The following ZSWIM6 variants were observed in gnomAD, a reference collection of about 807,000 sequenced individuals.
ZSWIM6 encodes zinc finger SWIM-type containing 6.
In ZSWIM6, 9 loss-of-function variants were observed where a neutral mutation model predicts 113.2. The ratio of observed to expected loss-of-function variants is 0.08; its 90% confidence interval spans 0.05 to 0.14. The LOEUF is 0.14. Ranked by LOEUF, ZSWIM6 falls within the 10% of genes least tolerant of loss-of-function variation. The pLI is 1.00. For missense variants in ZSWIM6, 1,162 were observed against 1,552.2 expected (o/e 0.75, Z 4.22); for synonymous variants, 611 against 606.5 (o/e 1.01, Z -0.11).
At chr5:61,340,932 A>G (rs1328315168) in intron 1 of ZSWIM6, among the ~76,000 whole-genome samples, 2 of 152,244 alleles carry the variant, frequency 1.3e-5, no homozygotes, top group African/African-American at 2.4e-5. Context: ...AAATCGTAGT[A>G]ATGTTTGAGA....
intron 4 of ZSWIM6, among the ~76,000 whole-genome samples, chr5:61,519,883 A>G (rs190080562): frequency 1.8e-4 from 27 of 152,208 alleles, no homozygotes; most frequent in Admixed American, 7.9e-4. Context: ...CATTAGTTAG[A>G]TTCCCATAAG....
chr5:61,461,923 T>TA (rs548537814), intron 1 of ZSWIM6, among the ~76,000 whole-genome samples: 1 of 152,318 alleles, frequency 6.6e-6, no homozygotes, highest in Non-Finnish European at 1.5e-5. Context: ...TTTTTCATCA[T>TA]TATGTATTTA....
chr5:61,394,142 C>A (rs895155596), intron 1 of ZSWIM6, among the ~76,000 whole-genome samples: 8 of 152,142 alleles, frequency 5.3e-5, no homozygotes, highest in African/African-American at 1.9e-4. Flanking sequence ...GAGACAAAGC[C>A]ATATAAATGG....
chr5:61,410,890 T>A (rs960262760), intron 1 of ZSWIM6, among the ~76,000 whole-genome samples: 3 of 152,252 alleles, frequency 2.0e-5, no homozygotes. Context: ...AATCTCATCG[T>A]GTCTTAGTTT....
At chr5:61,516,187 G>C (rs1041820802) in intron 4 of ZSWIM6, among the ~76,000 whole-genome samples, 120 of 150,868 alleles carry the variant, frequency 8.0e-4, no homozygotes, top group African/African-American at 2.7e-3. Context: ...GTTGAATTTA[G>C]GTCTACCATT....
At chr5:61,539,495 T>C (rs1749673065) in intron 11 of ZSWIM6, 101 bp from the exon 12 acceptor site, 5 of 1,332,762 alleles carry the variant, frequency 3.8e-6, no homozygotes, top group Non-Finnish European at 5.0e-6. Context: ...TGTTTCTTTT[T>C]TCCCCCTCTG....
chr5:61,422,077 C>A (rs1746366051), intron 1 of ZSWIM6, among the ~76,000 whole-genome samples: 1 of 152,122 alleles, frequency 6.6e-6, no homozygotes, highest in Non-Finnish European at 1.5e-5. Flanking sequence ...TTGATGTGAT[C>A]CCATTTGTCC....
chr5:61,344,179 G>A (rs1310166000), intron 1 of ZSWIM6, among the ~76,000 whole-genome samples: 1 of 152,206 alleles, frequency 6.6e-6, no homozygotes, highest in Non-Finnish European at 1.5e-5. Flanking sequence ...ACAGGTGTGA[G>A]CCACTGTGCC....
At chr5:61,400,591 G>A (rs774975332) in intron 1 of ZSWIM6, among the ~76,000 whole-genome samples, 1 of 152,202 alleles carries the variant, frequency 6.6e-6, no homozygotes, top group Non-Finnish European at 1.5e-5. Context: ...TCATCAGCAA[G>A]GCCTCACGTT....
At chr5:61,334,379 C>T (rs896393011) in intron 1 of ZSWIM6, among the ~76,000 whole-genome samples, 3 of 152,156 alleles carry the variant, frequency 2.0e-5, no homozygotes, top group Non-Finnish European at 4.4e-5. Flanking sequence ...TGTTAGTGTA[C>T]TTGAAATTGT....
At chr5:61,431,054 A>G (rs1430925092) in intron 1 of ZSWIM6, among the ~76,000 whole-genome samples, 1 of 152,180 alleles carries the variant, frequency 6.6e-6, no homozygotes, top group South Asian at 2.1e-4. Flanking sequence ...AGCTTTATTT[A>G]AAGGTTTTTA....
rs111360613 is a variant in ZSWIM6 at position 61,353,024 on chromosome 5, C to CCT, written c.676+20076_676+20077insCT. Among the ~76,000 whole-genome samples, 92 of 152,142 alleles carry CCT rather than the reference C, an allele frequency of 6.0e-4. 2 individuals carry two copies. The highest frequency in any genetic ancestry group is 1.7e-3 in the African/African-American group (69 of 41,490). On this transcript the variant is annotated intron_variant, in intron 1 of 13. Coordinates refer to ENST00000252744, the MANE Select transcript of ZSWIM6 (RefSeq NM_020928.2). The stretch of plus-strand genomic sequence containing the variant: ...AAGTCTGCCTGAACTTTTTTTTCCC[C>CCT]GTCTGTTGATCTGTGCATTCTTGCT...
At chr5:61,360,211 G>C (rs182934824) in intron 1 of ZSWIM6, among the ~76,000 whole-genome samples, 375 of 144,740 alleles carry the variant, frequency 2.6e-3, no homozygotes, top group Non-Finnish European at 3.8e-3. Flanking sequence ...TGCTGTTGGA[G>C]GTATCGCTAG....
intron 5 of ZSWIM6, among the ~76,000 whole-genome samples, chr5:61,525,127 G>A (rs1202945436): frequency 2.0e-5 from 3 of 152,206 alleles, no homozygotes; most frequent in Non-Finnish European, 4.4e-5. Flanking sequence ...CAGGAGTCAG[G>A]AGGCAGCCTG....
intron 1 of ZSWIM6, among the ~76,000 whole-genome samples, chr5:61,339,321 G>A (rs1744482548): frequency 6.6e-6 from 1 of 152,086 alleles, no homozygotes; most frequent in Non-Finnish European, 1.5e-5. Context: ...CGGGAGAATC[G>A]CTTGAACCTG....
At chr5:61,418,956 G>C (rs1746305436) in intron 1 of ZSWIM6, among the ~76,000 whole-genome samples, 1 of 152,178 alleles carries the variant, frequency 6.6e-6, no homozygotes, top group Non-Finnish European at 1.5e-5. Context: ...TGAGTAGCTG[G>C]GACTACAGGT....
At chr5:61,388,910 G>A (rs1466515216) in intron 1 of ZSWIM6, among the ~76,000 whole-genome samples, 1 of 152,194 alleles carries the variant, frequency 6.6e-6, no homozygotes, top group Non-Finnish European at 1.5e-5. Context: ...TAGTTCATGA[G>A]TCATCAGAAG....
Position 61,518,408 on chromosome 5 carries a change from G to A in ZSWIM6, c.1334-2855G>A, listed in dbSNP as rs1476537913. Among the ~76,000 whole-genome samples the A allele has an allele frequency of 3.3e-5, 5 of 150,848 alleles. No individual in the cohort carries two copies. The South Asian group carries it at 8.4e-4, about 25-fold the overall frequency. On this transcript the variant is annotated intron_variant, in intron 4 of 13. Transcript: ENST00000252744. Reference sequence around the variant, plus strand: ...GAACTAGTTTACAGTCCCACCAACAGTGTAAAAGTGTTCCTATTTCTCCAC... The same window carrying A: ...GAACTAGTTTACAGTCCCACCAACAATGTAAAAGTGTTCCTATTTCTCCAC...
intron 4 of ZSWIM6, among the ~76,000 whole-genome samples, chr5:61,506,414 AT>A (rs1367435260): frequency 6.6e-6 from 1 of 151,824 alleles, no homozygotes; most frequent in African/African-American, 2.4e-5. Flanking sequence ...GAAACCCTAT[AT>A]CTACTGAAAA....
Sources: gnomAD v4.1 joint callset for allele counts (sites outside exome capture counted in the v4.1 genomes callset) on GRCh38, gnomAD v4.1.1 for gene constraint, MANE v1.5 for transcripts, NCBI Gene and HGNC (gene_info 2026-07-23, HGNC 2026-07-21) for gene names.